CNTN5: variants seen among roughly 807,000 people sequenced by gnomAD.
CNTN5 encodes contactin-5.
Under a neutral mutation model 129.1 loss-of-function variants are expected in CNTN5, and 77 were observed. The observed-to-expected ratio is 0.60, with a 90% CI of 0.50 to 0.72. The LOEUF (loss-of-function observed/expected upper bound fraction) is 0.72. CNTN5 is among the 30% of genes least tolerant of loss of function. The pLI is 0.00. For synonymous variants in CNTN5, 509 were observed against 465.6 expected (o/e 1.09, Z -1.20); for missense variants, 1,478 against 1,328.8 (o/e 1.11, Z -1.75).
At chr11:100,193,773 C>T (rs1591377698) in intron 15 of CNTN5, 110 bp downstream of exon 15, 3 of 803,880 alleles carry the variant, frequency 3.7e-6, no homozygotes, top group Non-Finnish European at 5.8e-6. Flanking sequence ...AACAGAACAT[C>T]GACTTGATAA....
chr11:99,389,510 C>A (rs531387813), intron 2 of CNTN5, among the ~76,000 whole-genome samples: 1 of 152,092 alleles, frequency 6.6e-6, no homozygotes, highest in Non-Finnish European at 1.5e-5. Context: ...GCAGATAATG[C>A]GTAGTGCTGA....
At chr11:99,174,393 A>T (rs965210672) in intron 1 of CNTN5, among the ~76,000 whole-genome samples, 2 of 152,210 alleles carry the variant, frequency 1.3e-5, no homozygotes, top group Non-Finnish European at 2.9e-5. Flanking sequence ...AAAGACTATT[A>T]TAAGATAATG....
At chr11:99,496,233 T>C (rs1946220057) in intron 2 of CNTN5, among the ~76,000 whole-genome samples, 1 of 152,104 alleles carries the variant, frequency 6.6e-6, no homozygotes, top group Non-Finnish European at 1.5e-5. Context: ...AGTTTAACGT[T>C]TAAGTGATGT....
intron 3 of CNTN5, among the ~76,000 whole-genome samples, chr11:99,600,208 T>C (rs1036829449): frequency 6.6e-6 from 1 of 152,050 alleles, no homozygotes; most frequent in Non-Finnish European, 1.5e-5. Flanking sequence ...ACAAAATTCC[T>C]CATGTACTCC....
chr11:99,335,809 G>A (rs1030456836), intron 2 of CNTN5, among the ~76,000 whole-genome samples: 2 of 152,082 alleles, frequency 1.3e-5, no homozygotes, highest in Admixed American at 6.5e-5. Flanking sequence ...TGGTGCTAGA[G>A]AAAATCTTGA....
intron 9 of CNTN5, among the ~76,000 whole-genome samples, chr11:100,032,138 A>G (rs1042509064): frequency 3.9e-5 from 6 of 152,196 alleles, no homozygotes; most frequent in African/African-American, 9.7e-5. Context: ...GCTGCAGGTG[A>G]GAGATATAAC....
chr11:100,067,990 G>C (rs1565209649), intron 10 of CNTN5, among the ~76,000 whole-genome samples: 1 of 151,948 alleles, frequency 6.6e-6, no homozygotes, highest in Non-Finnish European at 1.5e-5. Context: ...TGTCAAATCT[G>C]TTTTTATTTA....
At chr11:99,777,797 A>T (rs1037500267) in intron 3 of CNTN5, among the ~76,000 whole-genome samples, 3 of 151,802 alleles carry the variant, frequency 2.0e-5, no homozygotes, top group Non-Finnish European at 4.4e-5. Flanking sequence ...CCACTTTTAC[A>T]TGATATTTTA....
chr11:100,027,383 G>A lies in CNTN5; in HGVS notation c.980+25247G>A, dbSNP rs142650761. The stretch of plus-strand genomic sequence containing the variant: ...TCAGATAGGAACTGAGCAGCATTTA[G>A]TATTGGCTTAATTTTTCCCCACTGT... On this transcript the variant is annotated intron_variant, in intron 9 of 24. Transcript: ENST00000524871. Among the ~76,000 whole-genome samples the A allele has an allele frequency of 8.9e-3, 1,360 of 152,202 alleles. 7 individuals carry two copies. The highest frequency in any genetic ancestry group is 0.018 in the South Asian group (87 of 4,820).
chr11:99,880,755 G>C (rs12223708), intron 6 of CNTN5, among the ~76,000 whole-genome samples: 20,530 of 152,058 alleles, frequency 0.14, 2,432 homozygotes, highest in East Asian at 0.59. Context: ...AGAATTTCAA[G>C]GATATTATTA....
chr11:99,791,403 CT>C (rs1371103597), intron 3 of CNTN5, among the ~76,000 whole-genome samples: 2 of 152,100 alleles, frequency 1.3e-5, no homozygotes, highest in Non-Finnish European at 2.9e-5. Context: ...AATAGGGAGA[CT>C]TTCCCCGTCA....
intron 1 of CNTN5, among the ~76,000 whole-genome samples, chr11:99,206,954 C>T (rs907566200): frequency 1.3e-5 from 2 of 151,964 alleles, no homozygotes; most frequent in African/African-American, 4.8e-5. Flanking sequence ...CAAATTACTG[C>T]CATCTATGAA....
At chr11:99,751,758 C>G (rs1944244243) in intron 3 of CNTN5, among the ~76,000 whole-genome samples, 1 of 152,082 alleles carries the variant, frequency 6.6e-6, no homozygotes, top group Non-Finnish European at 1.5e-5. Flanking sequence ...TTTGAATGTT[C>G]ACGTTGCCTT....
chr11:99,299,930 T>G lies in CNTN5; in HGVS notation c.-209-25416T>G, dbSNP rs992812738. On this transcript the variant is annotated intron_variant, in intron 1 of 24. Coordinates refer to ENST00000524871, the MANE Select transcript of CNTN5 (RefSeq NM_014361.4). ...GATATACAGTAATGGGATTACTTGATCTAGTGATAGTTCTATTTTTAGTTC... is the reference window on the plus strand; with the variant it reads ...GATATACAGTAATGGGATTACTTGAGCTAGTGATAGTTCTATTTTTAGTTC... Among the ~76,000 whole-genome samples, 7 of 152,290 alleles carry G rather than the reference T, an allele frequency of 4.6e-5. No individual in the cohort carries two copies. In the South Asian group the frequency reaches 1.4e-3, roughly 32 times the overall value.
chr11:99,361,398 C>T (rs1215221287), intron 2 of CNTN5, among the ~76,000 whole-genome samples: 1 of 152,132 alleles, frequency 6.6e-6, no homozygotes, highest in East Asian at 1.9e-4. Context: ...AACATAGTAT[C>T]TGGGACTAAT....
intron 1 of CNTN5, among the ~76,000 whole-genome samples, chr11:99,047,773 A>G (rs922902148): frequency 2.6e-5 from 4 of 152,104 alleles, no homozygotes; most frequent in African/African-American, 9.7e-5. Flanking sequence ...CAGCTCATAT[A>G]CAAATTAAAC....
intron 3 of CNTN5, among the ~76,000 whole-genome samples, chr11:99,812,791 G>T (rs975904621): frequency 6.6e-6 from 1 of 152,114 alleles, no homozygotes; most frequent in African/African-American, 2.4e-5. Context: ...TATATGCATC[G>T]TAGCCAAGCG....
chr11:99,470,295 G>C (rs1476987776), intron 2 of CNTN5, among the ~76,000 whole-genome samples: 1 of 152,138 alleles, frequency 6.6e-6, no homozygotes, highest in Non-Finnish European at 1.5e-5. Context: ...CAGAATGATA[G>C]AAGCCTCAGG....
At chr11:99,402,611 C>T (rs1941871083) in intron 2 of CNTN5, among the ~76,000 whole-genome samples, 1 of 152,094 alleles carries the variant, frequency 6.6e-6, no homozygotes, top group African/African-American at 2.4e-5. Context: ...GAAGCATTCC[C>T]TCCTCCTCTA....
Sources: allele counts gnomAD v4.1 joint callset (sites outside exome capture counted in the v4.1 genomes callset), GRCh38; gene constraint gnomAD v4.1.1; transcripts MANE v1.5; gene names NCBI Gene and HGNC (gene_info 2026-07-23, HGNC 2026-07-21).